The following PTPRD variants were observed in gnomAD, a reference collection of about 807,000 sequenced individuals.
PTPRD encodes protein tyrosine phosphatase receptor type D, also known as receptor-type tyrosine-protein phosphatase delta.
A neutral mutation model predicts 214.5 loss-of-function variants in PTPRD; 34 were observed. That is an observed-to-expected ratio of 0.16 (90% CI 0.12 to 0.21). The LOEUF is 0.21. Among genes scored for constraint, PTPRD ranks in the 10% least tolerant of loss-of-function variants. The pLI is 1.00. For missense variants in PTPRD, 2,545 were observed against 2,398.7 expected, an observed-to-expected ratio of 1.06 and a Z score of -1.27; for synonymous variants, 1,128 against 845.7, an observed-to-expected ratio of 1.33 and a Z score of -5.79.
chr9:8,513,326 T>C (rs966290891), intron 21 of PTPRD, among the ~76,000 whole-genome samples: 1 of 151,978 alleles, frequency 6.6e-6, no homozygotes, highest in Non-Finnish European at 1.5e-5. Context: ...ATACACAAAT[T>C]TACATCAATC....
At chr9:8,821,448 C>T (rs768896056) in intron 11 of PTPRD, among the ~76,000 whole-genome samples, 1 of 152,162 alleles carries the variant, frequency 6.6e-6, no homozygotes, top group Non-Finnish European at 1.5e-5. Context: ...ACTTCTACTG[C>T]GGTTTGTTTC....
chr9:9,161,196 C>G (rs2099887834), intron 10 of PTPRD, among the ~76,000 whole-genome samples: 2 of 152,174 alleles, frequency 1.3e-5, no homozygotes, highest in South Asian at 2.1e-4. Context: ...TTTCAAATGT[C>G]TCACCACAAA....
Position 8,317,785 on chromosome 9 carries a change from A to C in PTPRD, c.*89T>G, listed in dbSNP as rs1404522943. Reference sequence around the variant, plus strand: ...AGTAGTTGTTAGCTAGAAGTTAAGAAGGACTTCTCAAGTGCCCTGTATGGC... The same window carrying C: ...AGTAGTTGTTAGCTAGAAGTTAAGACGGACTTCTCAAGTGCCCTGTATGGC... On this transcript the variant is annotated 3_prime_UTR_variant, in exon 46 of 46. Coordinates refer to ENST00000381196, the MANE Select transcript of PTPRD (RefSeq NM_002839.4). 4 of 1,143,918 alleles carry C rather than the reference A, an allele frequency of 3.5e-6. No individual in the cohort carries two copies. Among genetic ancestry groups the C allele is most frequent in the African/African-American group, 1.5e-5 (1 of 64,572 alleles). The allele number at this position is 1,143,918 out of a possible 1,614,324, so 70.9% of individuals were successfully genotyped here.
intron 14 of PTPRD, among the ~76,000 whole-genome samples, chr9:8,531,823 G>A (rs1370714609): frequency 6.6e-6 from 1 of 151,992 alleles, no homozygotes; most frequent in Non-Finnish European, 1.5e-5. Context: ...CTTACTAAAG[G>A]CTCTTACCAA....
chr9:9,216,089 A>T (rs955571410), intron 9 of PTPRD, among the ~76,000 whole-genome samples: 2 of 152,128 alleles, frequency 1.3e-5, no homozygotes, highest in Non-Finnish European at 2.9e-5. Flanking sequence ...CTTACTAGCT[A>T]TGTGACACTG....
At chr9:10,560,120 G>A (rs941472311) in intron 2 of PTPRD, among the ~76,000 whole-genome samples, 56 of 152,172 alleles carry the variant, frequency 3.7e-4, no homozygotes, top group Non-Finnish European at 5.6e-4. Flanking sequence ...TATGTTTATC[G>A]CGGCACTATT....
At chr9:9,671,697 G>T (rs547550507) in intron 7 of PTPRD, among the ~76,000 whole-genome samples, 199 of 152,138 alleles carry the variant, frequency 1.3e-3, no homozygotes, top group Non-Finnish European at 2.3e-3. Flanking sequence ...GGTTTCATAA[G>T]GGGTTTGCAC....
chr9:8,849,604 G>C (rs530448837), intron 11 of PTPRD, among the ~76,000 whole-genome samples: 79 of 152,244 alleles, frequency 5.2e-4, no homozygotes, highest in African/African-American at 1.8e-3. Flanking sequence ...AGAATAATAG[G>C]ATTTCAATGG....
intron 8 of PTPRD, among the ~76,000 whole-genome samples, chr9:9,472,580 C>T (rs112386548): frequency 6.6e-6 from 1 of 151,886 alleles, no homozygotes; most frequent in African/African-American, 2.4e-5. Context: ...TGCAGCCAAC[C>T]TCAAGTTTCT....
chr9:9,002,155 T>C (rs539658350), intron 11 of PTPRD, among the ~76,000 whole-genome samples: 38 of 152,132 alleles, frequency 2.5e-4, no homozygotes, highest in Non-Finnish European at 3.8e-4. Flanking sequence ...TTATACCATA[T>C]ATTATCTAGA....
At chr9:8,523,692 T>C (rs1165205459) in intron 18 of PTPRD, among the ~76,000 whole-genome samples, 168 bp from the exon 19 acceptor site, 4 of 152,134 alleles carry the variant, frequency 2.6e-5, no homozygotes, top group Admixed American at 2.6e-4. Flanking sequence ...AAGTTAGCAA[T>C]ATCTCACAGA....
chr9:9,953,898 CAGTTGCTTTTTGTGTAA>C (rs1235168895), intron 4 of PTPRD, among the ~76,000 whole-genome samples: 2 of 152,106 alleles, frequency 1.3e-5, no homozygotes, highest in African/African-American at 4.8e-5. Context: ...CTAGCCTTTG[CAGTTGCTTTTTGTGTAA>C]AGGGAGGATT....
At chr9:10,511,920 A>ATATATATACGTG (rs1566639294) in intron 2 of PTPRD, among the ~76,000 whole-genome samples, 2 of 66,574 alleles carry the variant, frequency 3.0e-5, no homozygotes, top group African/African-American at 1.0e-4. Context: ...ATATACGTGT[A>ATATATATACGTG]TATATATATA....
intron 8 of PTPRD, among the ~76,000 whole-genome samples, chr9:9,526,637 T>G (rs772641758): frequency 1.3e-5 from 2 of 152,168 alleles, no homozygotes; most frequent in South Asian, 2.1e-4. Context: ...CACATTAAAT[T>G]AGTAAAGATC....
At chr9:9,251,656 G>C (rs2099975523) in intron 9 of PTPRD, among the ~76,000 whole-genome samples, 1 of 151,988 alleles carries the variant, frequency 6.6e-6, no homozygotes, top group Non-Finnish European at 1.5e-5. Flanking sequence ...CACCACACAA[G>C]GCTGAGAGTT....
chr9:9,557,440 A>G (rs1033405512), intron 8 of PTPRD, among the ~76,000 whole-genome samples: 3 of 152,220 alleles, frequency 2.0e-5, no homozygotes, highest in African/African-American at 4.8e-5. Flanking sequence ...ATCCCAAAAT[A>G]AAATTTTTTG....
At chr9:10,079,945 T>G (rs2098206725) in intron 3 of PTPRD, among the ~76,000 whole-genome samples, 1 of 151,966 alleles carries the variant, frequency 6.6e-6, no homozygotes, top group Non-Finnish European at 1.5e-5. Context: ...TTTTTTTTTT[T>G]TTTCCAGCTT....
At chr9:9,194,129 A>G (rs1313631251) in intron 9 of PTPRD, among the ~76,000 whole-genome samples, 4 of 152,088 alleles carry the variant, frequency 2.6e-5, no homozygotes, top group African/African-American at 9.7e-5. Context: ...CAGGGTCAGG[A>G]TCATCAGTAT....
At chr9:10,442,360 T>C (rs2098765283) in intron 2 of PTPRD, among the ~76,000 whole-genome samples, 1 of 151,704 alleles carries the variant, frequency 6.6e-6, no homozygotes. Flanking sequence ...CTAATTTACT[T>C]GATTAGTTCA....
Sources: gnomAD v4.1 joint callset for allele counts (sites outside exome capture counted in the v4.1 genomes callset) on GRCh38, gnomAD v4.1.1 for gene constraint, MANE v1.5 for transcripts, NCBI Gene and HGNC (gene_info 2026-07-23, HGNC 2026-07-21) for gene names.